The following CD109 variants were observed in gnomAD, a reference collection of about 807,000 sequenced individuals.
The protein encoded by CD109 is CD109 antigen.
Under a neutral mutation model 165.8 loss-of-function variants are expected in CD109, and 149 were observed. The observed-to-expected ratio is 0.90, with a 90% CI of 0.79 to 1.03. The LOEUF is 1.03. Among genes scored for constraint, CD109 ranks in the 50% least tolerant of loss-of-function variants. The pLI is 0.00. For synonymous variants in CD109, 585 were observed against 592.1 expected (o/e 0.99, Z 0.18); for missense variants, 1,712 against 1,677.8 (o/e 1.02, Z -0.36).
At chr6:73,683,837 T>A in the CD109 span, among the ~76,000 whole-genome samples, 2 of 152,168 alleles carry the variant, frequency 1.3e-5, no homozygotes, top group Non-Finnish European at 2.9e-5. Flanking sequence ...CTCCCATTTT[T>A]AAAACCACCA....
chr6:73,818,288 G>T, intron 30 of CD109, 100 bp from the exon 31 acceptor site: 2 of 1,233,522 alleles, frequency 1.6e-6, no homozygotes, highest in Non-Finnish European at 2.3e-6. Flanking sequence ...ACAGTGTTTG[G>T]AATAACATTT....
intron 22 of CD109, among the ~76,000 whole-genome samples, chr6:73,792,196 A>T (rs1774994491): frequency 6.6e-6 from 1 of 152,214 alleles, no homozygotes; most frequent in African/African-American, 2.4e-5. Context: ...TTGTTTTTTT[A>T]AAAAATTATT....
chr6:73,723,914 G>A (rs973958130), intron 3 of CD109, among the ~76,000 whole-genome samples: 1 of 152,026 alleles, frequency 6.6e-6, no homozygotes, highest in African/African-American at 2.4e-5. Flanking sequence ...AAAAAACAAG[G>A]CATCTGGGCT....
intron 5 of CD109, among the ~76,000 whole-genome samples, chr6:73,754,352 C>A (rs955283341): frequency 9.9e-5 from 15 of 151,902 alleles, no homozygotes; most frequent in Non-Finnish European, 1.6e-4. Context: ...ATAAAGGAAA[C>A]AAGGAAGGGG....
intron 21 of CD109, among the ~76,000 whole-genome samples, chr6:73,787,794 G>A (rs978597108): frequency 1.3e-5 from 2 of 152,114 alleles, no homozygotes; most frequent in African/African-American, 4.8e-5. Flanking sequence ...AGGTAAAAGA[G>A]ATTTTGTAGA....
intron 2 of CD109, among the ~76,000 whole-genome samples, chr6:73,705,278 A>C (rs900877829): frequency 6.6e-6 from 1 of 152,226 alleles, no homozygotes; most frequent in African/African-American, 2.4e-5. Flanking sequence ...TAAGATGCAC[A>C]AGAGAGACAG....
At chr6:73,682,567 G>A in the CD109 span, among the ~76,000 whole-genome samples, 2 of 152,178 alleles carry the variant, frequency 1.3e-5, no homozygotes, top group African/African-American at 2.4e-5. Context: ...GCTGTGGGTG[G>A]ATCTACCATT....
Position 73,763,568 on chromosome 6 carries a change from C to T in CD109, c.998-8C>T, listed in dbSNP as rs763547639. ...TTTGCTTTCTAAATTGTGCAATTTCCAAAAAAGGTATTTCAAGAAATGTAA... is the reference window on the plus strand; with the variant it reads ...TTTGCTTTCTAAATTGTGCAATTTCTAAAAAAGGTATTTCAAGAAATGTAA... On this transcript the variant is annotated splice_region_variant and splice_polypyrimidine_tract_variant and intron_variant, in intron 9 of 32. Transcript: ENST00000287097. 17 of 1,492,472 alleles carry T rather than the reference C, an allele frequency of 1.1e-5. No individual in the cohort carries two copies. Among genetic ancestry groups the T allele is most frequent in the Admixed American group, 7.5e-5 (4 of 53,214 alleles). The allele number at this position is 1,492,472 out of a possible 1,614,324, so 92.5% of individuals were successfully genotyped here.
At chr6:73,733,313 A>G (rs933828836) in intron 4 of CD109, among the ~76,000 whole-genome samples, 2 of 152,190 alleles carry the variant, frequency 1.3e-5, no homozygotes, top group African/African-American at 4.8e-5. Flanking sequence ...AACGGGGCCC[A>G]TCTTGCCCAG....
intron 13 of CD109, among the ~76,000 whole-genome samples, chr6:73,767,550 T>G (rs1332757209): frequency 6.6e-6 from 1 of 152,198 alleles, no homozygotes; most frequent in Non-Finnish European, 1.5e-5. Flanking sequence ...CTCATACCTT[T>G]TTAGCCTGTC....
chr6:73,756,810 T>A (rs924461751), intron 6 of CD109, 128 bp downstream of exon 6: 2 of 586,700 alleles, frequency 3.4e-6, no homozygotes, highest in Non-Finnish European at 5.6e-6. Flanking sequence ...TGGTGTTTTT[T>A]AAAGGCCTAA....
At chr6:73,734,558 A>G (rs1343149490) in intron 4 of CD109, among the ~76,000 whole-genome samples, 1 of 152,244 alleles carries the variant, frequency 6.6e-6, no homozygotes, top group East Asian at 1.9e-4. Flanking sequence ...TGGCAGGCAC[A>G]GTAGGGCCAA....
Position 73,765,951 on chromosome 6 carries a change from G to A in CD109, c.1129G>A (p.Gly377Ser). 6.2e-7 allele frequency: 1 copy of A among 1,613,750 alleles called. No individual in the cohort carries two copies. The highest frequency in any genetic ancestry group is 8.5e-7 in the Non-Finnish European group (1 of 1,179,828). Residue 377 changes from glycine to serine, a missense_variant, in exon 11 of 33, where the codon GGC (glycine) becomes AGC (serine). By Grantham distance (56) the Gly-to-Ser change is moderately conservative. Coordinates refer to ENST00000287097, the MANE Select transcript of CD109 (RefSeq NM_133493.5). ...TTAGGTGAAGGTAACTCGTGCTGAT[G>A]GCAACCAACTGACTCTTGAAGAAAG... ...TATVKVTRAD[G>S]NQLTLEERRN... is the part of the protein sequence containing the mutation.
intron 3 of CD109, among the ~76,000 whole-genome samples, chr6:73,726,999 C>T (rs1479930558): frequency 6.6e-6 from 1 of 152,090 alleles, no homozygotes; most frequent in Non-Finnish European, 1.5e-5. Flanking sequence ...TTCCCCCTTT[C>T]CCCCACCAAT....
At chr6:73,798,311 T>A (rs1388311018) in intron 23 of CD109, among the ~76,000 whole-genome samples, 1 of 152,032 alleles carries the variant, frequency 6.6e-6, no homozygotes, top group Non-Finnish European at 1.5e-5. Flanking sequence ...GACGGGACTT[T>A]GCCGTATTAG....
At chr6:73,793,897 T>C (rs928411105) in intron 23 of CD109, among the ~76,000 whole-genome samples, 2 of 152,126 alleles carry the variant, frequency 1.3e-5, no homozygotes, top group Non-Finnish European at 2.9e-5. Flanking sequence ...AAGAGAAATA[T>C]AGTTCAACGC....
intron 2 of CD109, among the ~76,000 whole-genome samples, chr6:73,700,790 G>GTT (rs58140668): frequency 0.013 from 668 of 51,476 alleles, 230 homozygotes; most frequent in African/African-American, 0.044. Flanking sequence ...ATTGATTGTA[G>GTT]TTTTTTTTTT....
chr6:73,732,218 G>A (rs560277483), intron 4 of CD109, among the ~76,000 whole-genome samples: 1 of 152,324 alleles, frequency 6.6e-6, no homozygotes, highest in South Asian at 2.1e-4. Flanking sequence ...ATAACATAGT[G>A]TGGAAGGTAA....
At chr6:73,699,373 A>T (rs1417389623) in intron 2 of CD109, among the ~76,000 whole-genome samples, 1 of 152,232 alleles carries the variant, frequency 6.6e-6, no homozygotes, top group Non-Finnish European at 1.5e-5. Flanking sequence ...AGTTAAAAAA[A>T]AAAGAATTTA....
Sources: gnomAD v4.1 joint callset for allele counts (sites outside exome capture counted in the v4.1 genomes callset) on GRCh38, gnomAD v4.1.1 for gene constraint, MANE v1.5 for transcripts, NCBI Gene and HGNC (gene_info 2026-07-23, HGNC 2026-07-21) for gene names.